The following CLN3 variants were observed in gnomAD, a reference collection of about 807,000 sequenced individuals.
The protein encoded by CLN3 is CLN3 lysosomal/endosomal transmembrane protein, battenin.
Under a neutral mutation model 60.7 loss-of-function variants are expected in CLN3, and 49 were observed. That is an observed-to-expected ratio of 0.81 (90% CI 0.64 to 1.02). The LOEUF (loss-of-function observed/expected upper bound fraction) is 1.02, where lower values mean the gene tolerates loss of function less well. Ranked by LOEUF, CLN3 falls within the 50% of genes least tolerant of loss-of-function variation. The pLI is 0.00. For missense variants in CLN3, 516 were observed against 557.4 expected, an observed-to-expected ratio of 0.93 and a Z score of 0.75; for synonymous variants, 256 against 245.8, an observed-to-expected ratio of 1.04 and a Z score of -0.39.
chr16:28,481,659 T>C (rs2046098133), intron 14 of CLN3, among the ~76,000 whole-genome samples: 2 of 152,074 alleles, frequency 1.3e-5, no homozygotes, highest in African/African-American at 4.8e-5. Flanking sequence ...CCTGAGGCTA[T>C]ACATTTTACA....
Position 28,491,781 on chromosome 16 carries a change from G to T in CLN3, c.-22C>A. On this transcript the variant is annotated 5_prime_UTR_variant, in exon 2 of 16. Coordinates refer to ENST00000636147, the MANE Select transcript of CLN3 (RefSeq NM_001042432.2). ...CCATCGCATCAAGTTCAGGTCCCCC[G>T]AGGGTCCAGGGTCATAGAGTGTCCA... The T allele has an allele frequency of 1.2e-6, 2 of 1,613,008 alleles. No homozygotes were observed. The highest frequency in any genetic ancestry group is 2.2e-5 in the East Asian group (1 of 44,860).
chr16:28,490,057 CAAAAAAAAA>C (rs34443652), intron 3 of CLN3, among the ~76,000 whole-genome samples: 4 of 106,814 alleles, frequency 3.7e-5, no homozygotes, highest in Non-Finnish European at 7.4e-5. Flanking sequence ...GACTCTATCT[CAAAAAAAAA>C]AAAAAAAAAG....
intron 3 of CLN3, among the ~76,000 whole-genome samples, chr16:28,490,642 C>G (rs2046298635): frequency 6.7e-6 from 1 of 150,208 alleles, no homozygotes; most frequent in Non-Finnish European, 1.5e-5. Flanking sequence ...CGCCTGTAGT[C>G]TCAGCTACTC....
intron 3 of CLN3, among the ~76,000 whole-genome samples, chr16:28,489,927 C>A (rs2046285160): frequency 6.6e-6 from 1 of 151,908 alleles, no homozygotes. Flanking sequence ...CGAAGTTGCA[C>A]ATGCCTGTAA....
chr16:28,479,027 C>T (rs1455497215), intron 14 of CLN3, among the ~76,000 whole-genome samples: 1 of 152,182 alleles, frequency 6.6e-6, no homozygotes, highest in African/African-American at 2.4e-5. Context: ...GGAGCCACCG[C>T]ACCTGGCCAG....
intron 7 of CLN3, 152 bp from the exon 8 acceptor site, chr16:28,486,802 C>T: frequency 1.3e-6 from 1 of 750,962 alleles, no homozygotes; most frequent in South Asian, 1.5e-5. Context: ...GAAGCAGAGC[C>T]CCACTCCCCT....
chr16:28,482,332 GT>G lies in CLN3; in HGVS notation c.956del (p.Tyr319SerfsTer58). ...ACTGCCCTCGCTCCTCTTACCAGCG[GT>G]ATTGCTGAGCGTGACTCAGGGAAGT... ...WNTSLSHAQQ[Y>X]RWYQMLYQAG... On this transcript the variant is annotated frameshift_variant, in exon 13 of 16. Transcript: ENST00000636147. LOFTEE classifies it high-confidence loss of function. 1 of 1,613,658 alleles carries G rather than the reference GT, an allele frequency of 6.2e-7. No individual in the cohort carries two copies. The highest frequency in any genetic ancestry group is 1.3e-5 in the African/African-American group (1 of 75,040).
At position 28,485,933 on chromosome 16, in the gene CLN3, G is replaced by A. The variant is rs1405941696; in HGVS notation, c.677+414C>T. ...CTGGGGCTATCAGAGTCCAGATTCCGCCTCCCTTCACAGCAAGGTAGGGAC... is the reference window on the plus strand; with the variant it reads ...CTGGGGCTATCAGAGTCCAGATTCCACCTCCCTTCACAGCAAGGTAGGGAC... On this transcript the variant is annotated intron_variant, in intron 9 of 15. Coordinates refer to ENST00000636147, the MANE Select transcript of CLN3 (RefSeq NM_001042432.2). Among the ~76,000 whole-genome samples the A allele has an allele frequency of 2.6e-5, 4 of 151,786 alleles. 1 individual carries two copies. Among genetic ancestry groups the A allele is most frequent in the South Asian group, 2.1e-4 (1 of 4,818 alleles).
chr16:28,477,020 C>A (rs761837259), downstream of CLN3: 9 of 203,492 alleles, frequency 4.4e-5, no homozygotes, highest in Non-Finnish European at 9.1e-5. Context: ...ACCTGTAATC[C>A]CAGCTACTCG....
At chr16:28,474,463 TA>T (rs1386608824), downstream of CLN3, among the ~76,000 whole-genome samples, 17 of 139,572 alleles carry the variant, frequency 1.2e-4, no homozygotes, top group South Asian at 2.3e-4. Context: ...GTCTCAAAAA[TA>T]AAAAAAAAAG....
At chr16:28,470,042 T>C (rs1165444320), downstream of CLN3, among the ~76,000 whole-genome samples, 17 of 145,194 alleles carry the variant, frequency 1.2e-4, no homozygotes, top group Admixed American at 9.5e-4. Flanking sequence ...TTTTGGTCCA[T>C]TTTGTTTGTT....
Position 28,482,684 on chromosome 16 carries a change from C to G in CLN3, c.791-12G>C. ...GCTGGAGCTGGAGCCTGCAGGGGAA[C>G]AGAGAGAGAAGGGCAGATGAAGTTT... On this transcript the variant is annotated splice_polypyrimidine_tract_variant and intron_variant, in intron 10 of 15. Transcript: ENST00000636147. 6.2e-7 allele frequency: 1 copy of G among 1,614,086 alleles called. No homozygotes were observed. The highest frequency in any genetic ancestry group is 8.5e-7 in the Non-Finnish European group (1 of 1,180,018).
intron 14 of CLN3, among the ~76,000 whole-genome samples, chr16:28,478,936 A>T (rs546348585): frequency 6.6e-6 from 1 of 152,192 alleles, no homozygotes; most frequent in African/African-American, 2.4e-5. Context: ...CGGGCATCCT[A>T]TTCAGCTGGG....
chr16:28,482,235 C>G (rs1287290191), intron 13 of CLN3, 37 bp from the exon 14 acceptor site: 20 of 1,603,590 alleles, frequency 1.2e-5, no homozygotes, highest in Non-Finnish European at 1.4e-5. Context: ...GGAGGCTCCT[C>G]CAGGGACCAT....
intron 3 of CLN3, chr16:28,491,002 C>T (rs1279977372): frequency 6.5e-6 from 1 of 154,026 alleles, no homozygotes; most frequent in South Asian, 2.0e-4. Flanking sequence ...CCCAGGAGTT[C>T]CAGGCTGCAG....
Position 28,489,465 on chromosome 16 carries a change from C to T in CLN3, c.126-79G>A, listed in dbSNP as rs189516833. ...GCCTTTGTGCCAAACCTTCCCTTAC[C>T]TGTGCCCTTCAATCAGCCCCCTCTT... On this transcript the variant is annotated intron_variant, in intron 3 of 15. Transcript: ENST00000636147. 9.2e-6 allele frequency: 9 copies of T among 977,672 alleles called. No homozygotes were observed. The African/African-American group carries it at 1.5e-4, about 16-fold the overall frequency. 60.6% of individuals were successfully genotyped at this position (977,672 alleles called of 1,614,324 possible). A position where few individuals can be genotyped will look rare whatever the true frequency, so the allele number is the denominator to read the frequency against.
chr16:28,486,814 C>A lies in CLN3; in HGVS notation c.461-164G>T, dbSNP rs530654271. ...TCTGAAGCAGAGCCCCACTCCCCTG[C>A]GTGTCCCTTCATGGAGAGTGGCACC... On this transcript the variant is annotated intron_variant, in intron 7 of 15. Transcript: ENST00000636147. 40 of 708,674 alleles carry A rather than the reference C, an allele frequency of 5.6e-5. No homozygotes were observed. In the African/African-American group the frequency reaches 5.9e-4, roughly 10 times the overall value. The allele number at this position is 708,674 out of a possible 1,614,324, so 43.9% of individuals were successfully genotyped here.
At chr16:28,487,332 C>A in intron 7 of CLN3, 124 bp downstream of exon 7, 1 of 817,094 alleles carries the variant, frequency 1.2e-6, no homozygotes, top group South Asian at 1.4e-5. Flanking sequence ...GCTGATAGCC[C>A]TAGCAGGCTT....
At chr16:28,489,148 C>T (rs2046270739) in intron 4 of CLN3, 142 bp downstream of exon 4, 7 of 717,394 alleles carry the variant, frequency 9.8e-6, no homozygotes, top group South Asian at 4.5e-5. Context: ...GTGATCCGCC[C>T]GCCTCAGCCT....
Sources: allele counts gnomAD v4.1 joint callset (sites outside exome capture counted in the v4.1 genomes callset), GRCh38; gene constraint gnomAD v4.1.1; transcripts MANE v1.5; gene names NCBI Gene and HGNC (gene_info 2026-07-23, HGNC 2026-07-21).